The following DDA1 variants were observed in gnomAD, a reference collection of about 807,000 sequenced individuals.
DDA1 encodes DET1 and DDB1 associated 1.
In DDA1, 3 loss-of-function variants were observed where a neutral mutation model predicts 18.6. The observed-to-expected ratio is 0.16, with a 90% confidence interval of 0.07 to 0.42. The LOEUF is 0.42. Among genes scored for constraint, DDA1 ranks in the 10% least tolerant of loss-of-function variants. The probability of loss-of-function intolerance (pLI) is 0.99; values close to 1 mark genes in which losing one functional copy is unlikely to be tolerated. For synonymous variants in DDA1, 52 were observed against 54.0 expected (o/e 0.96, Z 0.17); for missense variants, 105 against 138.2 (o/e 0.76, Z 1.20).
rs917269215 is a variant in DDA1 at position 17,322,679 on chromosome 19, A to T, written c.*3023A>T. 1.3e-5 allele frequency: 2 copies of T among 152,258 alleles called. No individual in the cohort carries two copies. Among genetic ancestry groups the T allele is most frequent in the African/African-American group, 4.8e-5 (2 of 41,442 alleles). 9.4% of individuals were successfully genotyped at this position (152,258 alleles called of 1,614,324 possible). A position where few individuals can be genotyped will look rare whatever the true frequency, so the allele number is the denominator to read the frequency against. ...ACAGAGTCCCAGTGACTTGGGTCTG[A>T]TGTCTGTCCCACAGTGGGACATCCC... On this transcript the variant is annotated 3_prime_UTR_variant, in exon 5 of 5. Transcript: ENST00000359866.
At chr19:17,317,668 T>TAAAAAAA (rs34303101) in intron 4 of DDA1, among the ~76,000 whole-genome samples, 1 of 97,756 alleles carries the variant, frequency 1.0e-5, no homozygotes, top group Non-Finnish European at 2.0e-5. Context: ...ACTCCATCAC[T>TAAAAAAA]AAAAAAAAAA....
At chr19:17,316,285 T>C (rs1252196774) in intron 4 of DDA1, among the ~76,000 whole-genome samples, 1 of 152,176 alleles carries the variant, frequency 6.6e-6, no homozygotes, top group Non-Finnish European at 1.5e-5. Flanking sequence ...ATGAACTAGA[T>C]AGAATATTTT....
At chr19:17,312,275 C>G (rs889613344) in intron 1 of DDA1, among the ~76,000 whole-genome samples, 11 of 152,186 alleles carry the variant, frequency 7.2e-5, no homozygotes, top group Non-Finnish European at 1.5e-4. Context: ...CTGTCCTGTC[C>G]TCTTCCCTTG....
rs571272415 is a variant in DDA1 at position 17,319,755 on chromosome 19, C to T, written c.*99C>T. 1.1e-5 allele frequency: 11 copies of T among 1,037,572 alleles called. No individual in the cohort carries two copies. Among genetic ancestry groups the T allele is most frequent in the South Asian group, 5.9e-5 (4 of 68,126 alleles). 64.3% of individuals were successfully genotyped at this position (1,037,572 alleles called of 1,614,324 possible). ...GCACCCCGCCCGCCCGCCTCCCTGC[C>T]GGCCCATCCACACCCTGCGTCCACA... On this transcript the variant is annotated 3_prime_UTR_variant, in exon 5 of 5. Coordinates refer to ENST00000359866, the MANE Select transcript of DDA1 (RefSeq NM_024050.6).
At position 17,319,545 on chromosome 19, in the gene DDA1, G is replaced by C; in HGVS notation, c.199-1G>C. The C allele has an allele frequency of 6.4e-7, 1 of 1,561,958 alleles. No individual in the cohort carries two copies. Among genetic ancestry groups the C allele is most frequent in the Non-Finnish European group, 8.7e-7 (1 of 1,152,840 alleles). On this transcript the variant is annotated splice_acceptor_variant, in intron 4 of 4. Coordinates refer to ENST00000359866, the MANE Select transcript of DDA1 (RefSeq NM_024050.6). LOFTEE classifies it high-confidence loss of function. ...GCCCCTCTCTTTTCCCTGTCCCCCA[G>C]AACGCTGCCAAGAAGAGAGACCAGG... is the stretch of plus-strand genomic sequence containing the variant.
Position 17,314,371 on chromosome 19 carries a change from G to A in DDA1, c.118G>A (p.Glu40Lys). The change falls in exon 3 of 5, where the codon GAG becomes AAG. Residue 40 changes from glutamate (E) to lysine (K), a missense_variant. By Grantham distance (56) the Glu-to-Lys change is moderately conservative (BLOSUM62 1). Coordinates refer to ENST00000359866, the MANE Select transcript of DDA1 (RefSeq NM_024050.6). This position sits in a 1 kb window ranked among gnomAD's most constrained non-coding sequence, Gnocchi z 4.6. ...GCCCTCAGTCTACCTGCCTACCCGC[G>A]AGTACCCGTCTGAACAGAGTAAGTG... ...RRPSVYLPTR[E>K]YPSEQIIVTE... The A allele has an allele frequency of 6.2e-7, 1 of 1,614,216 alleles. No homozygotes were observed. Among genetic ancestry groups the A allele is most frequent in the Non-Finnish European group, 8.5e-7 (1 of 1,180,036 alleles).
intron 3 of DDA1, 148 bp from the exon 4 acceptor site, chr19:17,315,786 G>A (rs910642808): frequency 1.2e-5 from 9 of 765,084 alleles, no homozygotes; most frequent in Admixed American, 6.1e-5. Context: ...AGCTGCGAGT[G>A]TGCTCAGAAG....
In DDA1 at chr19:17,319,611, C is replaced by T; in HGVS notation, c.264C>T (p.Arg88=). Reference sequence around the variant, plus strand: ...AAGGCGAGAGCTCCGCACCTCCCCGCAAGGTGGCGCGGACCGACAGCCCAG... The same window carrying T: ...AAGGCGAGAGCTCCGCACCTCCCCGTAAGGTGGCGCGGACCGACAGCCCAG... ...ELEGESSAPP[R]KVARTDSPDM... Residue 88 remains arginine, a synonymous_variant, in exon 5 of 5, where the codon CGC becomes CGT. Transcript: ENST00000359866. 1 of 1,579,728 alleles carries T rather than the reference C, an allele frequency of 6.3e-7. No homozygotes were observed.
chr19:17,319,789 A>C lies in DDA1; in HGVS notation c.*133A>C. 1 of 652,812 alleles carries C rather than the reference A, an allele frequency of 1.5e-6. No individual in the cohort carries two copies. Among genetic ancestry groups the C allele is most frequent in the Non-Finnish European group, 2.6e-6 (1 of 380,336 alleles). The allele number at this position is 652,812 out of a possible 1,614,324, so 40.4% of individuals were successfully genotyped here. On this transcript the variant is annotated 3_prime_UTR_variant, in exon 5 of 5. Transcript: ENST00000359866. Reference sequence around the variant, plus strand: ...CACACCCTGCGTCCACACCACTTCCAACCTCATAGGAGCCGATGTATTTAT... The same window carrying C: ...CACACCCTGCGTCCACACCACTTCCCACCTCATAGGAGCCGATGTATTTAT...
At chr19:17,318,978 C>T (rs1360711760) in intron 4 of DDA1, among the ~76,000 whole-genome samples, 1 of 152,136 alleles carries the variant, frequency 6.6e-6, no homozygotes, top group Non-Finnish European at 1.5e-5. Context: ...CTCCTGCCCC[C>T]CAGGACTTGG....
intron 1 of DDA1, among the ~76,000 whole-genome samples, 192 bp downstream of exon 1, chr19:17,309,849 A>C (rs1299169157): frequency 1.4e-5 from 2 of 147,282 alleles, no homozygotes; most frequent in Admixed American, 1.3e-4. Context: ...TCCCACTGCC[A>C]CTCCTTCTCC....
intron 1 of DDA1, among the ~76,000 whole-genome samples, chr19:17,313,116 C>T (rs936697444): frequency 3.9e-5 from 6 of 152,206 alleles, no homozygotes; most frequent in African/African-American, 1.4e-4. Context: ...CCTTCCCTTC[C>T]AGCTCTGTAG....
In DDA1 at chr19:17,315,409, C is replaced by CGTGTGTGT. The variant is rs781595425; in HGVS notation, c.137-513_137-506dup. On this transcript the variant is annotated intron_variant, in intron 3 of 4. Transcript: ENST00000359866. ...TATATACACACTATATATATACATACGTGTGTGTGTGTGTGTGTGCATATA... is the reference window on the plus strand; with the variant it reads ...TATATACACACTATATATATACATACGTGTGTGTGTGTGTGTGTGTGTGTGTGCATATA... 1.1e-4 allele frequency among the ~76,000 whole-genome samples: 5 copies of CGTGTGTGT among 43,516 alleles called. 1 individual carries two copies. The highest frequency in any genetic ancestry group is 1.5e-4 in the Non-Finnish European group (3 of 20,330). The allele number at this position is 43,516 out of a possible 152,430, so 28.5% of individuals were successfully genotyped here.
Position 17,309,582 on chromosome 19 carries a change from GC to G in DDA1, c.-72del. On this transcript the variant is annotated 5_prime_UTR_variant, in exon 1 of 5. Transcript: ENST00000359866. ...GGCTGGAAGTTACTGTGAGGCGGCG[GC>G]TAAGAAGGCGGCTCTGGTGGCGGCG... The G allele has an allele frequency of 6.6e-7, 1 of 1,510,290 alleles. No homozygotes were observed. Among genetic ancestry groups the G allele is most frequent in the Non-Finnish European group, 9.2e-7 (1 of 1,088,462 alleles). 93.6% of individuals were successfully genotyped at this position (1,510,290 alleles called of 1,614,324 possible). A position where few individuals can be genotyped will look rare whatever the true frequency, so the allele number is the denominator to read the frequency against.
intron 4 of DDA1, among the ~76,000 whole-genome samples, chr19:17,316,227 G>A (rs999435712): frequency 3.3e-5 from 5 of 152,204 alleles, no homozygotes; most frequent in South Asian, 2.1e-4. Flanking sequence ...CCAAGTAGCC[G>A]CCAGGCCCAG....
Position 17,309,589 on chromosome 19 carries a change from A to C in DDA1, c.-66A>C. On this transcript the variant is annotated 5_prime_UTR_variant, in exon 1 of 5. Transcript: ENST00000359866. Reference sequence around the variant, plus strand: ...AGTTACTGTGAGGCGGCGGCTAAGAAGGCGGCTCTGGTGGCGGCGGTGGAG... The same window carrying C: ...AGTTACTGTGAGGCGGCGGCTAAGACGGCGGCTCTGGTGGCGGCGGTGGAG... 1 of 1,555,862 alleles carries C rather than the reference A, an allele frequency of 6.4e-7. No homozygotes were observed. The highest frequency in any genetic ancestry group is 1.1e-5 in the South Asian group (1 of 89,368).
intron 1 of DDA1, among the ~76,000 whole-genome samples, chr19:17,311,408 G>T (rs1172259251): frequency 6.6e-6 from 1 of 152,126 alleles, no homozygotes; most frequent in African/African-American, 2.4e-5. Context: ...ACCCGCTTCG[G>T]ACTCCCAAAG....
Position 17,323,211 on chromosome 19 carries a change from T to G in DDA1, c.*3555T>G, listed in dbSNP as rs1455967627. On this transcript the variant is annotated 3_prime_UTR_variant, in exon 5 of 5. Transcript: ENST00000359866. The stretch of plus-strand genomic sequence containing the variant: ...CCACCCCCACTCCCTTTTCCACTGC[T>G]CTGACCTCGGGCACTGTTGAAATAT... 4 of 162,770 alleles carry G rather than the reference T, an allele frequency of 2.5e-5. No homozygotes were observed. The highest frequency in any genetic ancestry group is 9.6e-5 in the African/African-American group (4 of 41,758). The allele number at this position is 162,770 out of a possible 1,614,324, so 10.1% of individuals were successfully genotyped here.
chr19:17,316,121 C>T lies in DDA1; in HGVS notation c.198+126C>T, dbSNP rs1462650013. ...GGGCCTTGAGGGCTGGGTAGGAGTG[C>T]CCTGGGCGATCCAGGAGAGGGAAGA... On this transcript the variant is annotated intron_variant, in intron 4 of 4. Transcript: ENST00000359866. 5 of 1,073,742 alleles carry T rather than the reference C, an allele frequency of 4.7e-6. No individual in the cohort carries two copies. In the Admixed American group the frequency reaches 7.4e-5, roughly 16 times the overall value. The allele number at this position is 1,073,742 out of a possible 1,614,324, so 66.5% of individuals were successfully genotyped here. A position where few individuals can be genotyped will look rare whatever the true frequency, so the allele number is the denominator to read the frequency against.
Sources: allele counts gnomAD v4.1 joint callset (sites outside exome capture counted in the v4.1 genomes callset), GRCh38; gene constraint gnomAD v4.1.1; non-coding constraint Gnocchi (gnomAD v3.1); transcripts MANE v1.5; gene names NCBI Gene and HGNC (gene_info 2026-07-23, HGNC 2026-07-21).